The following FNDC5 variants were observed in gnomAD, a reference collection of about 807,000 sequenced individuals.
FNDC5 encodes fibronectin type III domain containing 5.
Under a neutral mutation model 24.6 loss-of-function variants are expected in FNDC5, and 10 were observed. The observed-to-expected ratio is 0.41, with a 90% CI of 0.25 to 0.69. FNDC5 has a LOEUF of 0.69. Among genes scored for constraint, FNDC5 ranks in the 30% least tolerant of loss-of-function variants. The pLI, the probability that FNDC5 is intolerant of heterozygous loss-of-function variation, is 0.34. For synonymous variants in FNDC5, 90 were observed against 110.7 expected (o/e 0.81, Z 1.18); for missense variants, 226 against 282.9 (o/e 0.80, Z 1.44).
intron 5 of FNDC5, 181 bp from the exon 6 acceptor site, chr1:32,864,480 C>T: frequency 6.8e-7 from 1 of 1,478,752 alleles, no homozygotes; most frequent in South Asian, 1.4e-5. Context: ...TGGCCCCTGG[C>T]ACCCTGCAAA....
intron 4 of FNDC5, among the ~76,000 whole-genome samples, chr1:32,867,201 A>T (rs941864720): frequency 3.9e-5 from 6 of 152,174 alleles, no homozygotes; most frequent in Non-Finnish European, 8.8e-5. Flanking sequence ...GGCTAAAGAG[A>T]GGGTTAAAGA....
chr1:32,867,934 AG>A (rs773946790), intron 3 of FNDC5, 92 bp from the exon 4 acceptor site: 5 of 1,278,996 alleles, frequency 3.9e-6, no homozygotes, highest in Non-Finnish European at 5.6e-6. Flanking sequence ...TGATTTCTAC[AG>A]GTGCCCACAC....
At chr1:32,869,062 ATAAG>A (rs1641128677) in intron 1 of FNDC5, 65 bp from the exon 2 acceptor site, 8 of 964,722 alleles carry the variant, frequency 8.3e-6, no homozygotes, top group Non-Finnish European at 1.1e-5. Flanking sequence ...CCACTGTCTC[ATAAG>A]TAAGAAGGGG....
Position 32,863,578 on chromosome 1 carries a change from G to A in FNDC5, c.*716C>T. The stretch of plus-strand genomic sequence containing the variant: ...TTATTTTTTTGCAGAATTTGGGTTT[G>A]TAGTGCAGCCTCCTTCATCTGACTA... On this transcript the variant is annotated 3_prime_UTR_variant, in exon 6 of 6. Transcript: ENST00000373471. 1 of 675,950 alleles carries A rather than the reference G, an allele frequency of 1.5e-6. No individual in the cohort carries two copies. Among genetic ancestry groups the A allele is most frequent in the Non-Finnish European group, 2.2e-6 (1 of 451,264 alleles). 41.9% of individuals were successfully genotyped at this position (675,950 alleles called of 1,614,324 possible). A position where few individuals can be genotyped will look rare whatever the true frequency, so the allele number is the denominator to read the frequency against.
At chr1:32,865,277 T>C (rs549168560) in intron 4 of FNDC5, among the ~76,000 whole-genome samples, 45 of 151,888 alleles carry the variant, frequency 3.0e-4, no homozygotes, top group Non-Finnish European at 5.4e-4. Context: ...TTTTGTATTT[T>C]TAGTAGAGAC....
rs1446101647 is a variant in FNDC5, at chr1:32,870,822, G to A, written c.-76C>T. 3.8e-6 allele frequency: 2 copies of A among 522,856 alleles called. No individual in the cohort carries two copies. The highest frequency in any genetic ancestry group is 2.1e-5 in the African/African-American group (1 of 46,808). The allele number at this position is 522,856 out of a possible 1,614,324, so 32.4% of individuals were successfully genotyped here. On this transcript the variant is annotated 5_prime_UTR_variant, in exon 1 of 6. Transcript: ENST00000373471. ...CGGCGCCCGGCGGCCGCTCGCGCTC[G>A]CGCTCCGGCCCCCGGCCCGGCCGGC...
Position 32,863,687 on chromosome 1 carries a change from TG to T in FNDC5, c.*606del. ...GTCCCTCTCCCTGTGCCCGTGGGCC[TG>T]GGGACCAGCTGAGAAGAAAAATGGA... On this transcript the variant is annotated 3_prime_UTR_variant, in exon 6 of 6. Transcript: ENST00000373471. 3.1e-6 allele frequency: 4 copies of T among 1,303,732 alleles called. No individual in the cohort carries two copies. The highest frequency in any genetic ancestry group is 4.0e-6 in the Non-Finnish European group (4 of 988,420). The allele number at this position is 1,303,732 out of a possible 1,614,324, so 80.8% of individuals were successfully genotyped here.
At chr1:32,870,606 G>C (rs114806617) in intron 1 of FNDC5, 47 bp downstream of exon 1, 12,554 of 1,129,480 alleles carry the variant, frequency 0.011, 241 homozygotes, top group African/African-American at 0.078. Flanking sequence ...AGCTGGGCTC[G>C]AGAGGAGCCT....
In FNDC5 at chr1:32,863,823, G is replaced by T. The variant is rs1302926840; in HGVS notation, c.*471C>A. ...AAGCAGCCAGGCCTAATTGTGAATA[G>T]CCTTCTTGCAAGGCTGGAAACAGGA... On this transcript the variant is annotated 3_prime_UTR_variant, in exon 6 of 6. Coordinates refer to ENST00000373471, the MANE Select transcript of FNDC5 (RefSeq NM_153756.3). 3.8e-6 allele frequency: 5 copies of T among 1,305,284 alleles called. No homozygotes were observed. Among genetic ancestry groups the T allele is most frequent in the Middle Eastern group, 2.1e-4 (1 of 4,722 alleles). The allele number at this position is 1,305,284 out of a possible 1,614,324, so 80.9% of individuals were successfully genotyped here.
At chr1:32,869,049 G>T in intron 1 of FNDC5, 52 bp from the exon 2 acceptor site, 1 of 1,048,718 alleles carries the variant, frequency 9.5e-7, no homozygotes, top group South Asian at 4.8e-5. Context: ...GTGAGGCCCA[G>T]ACCCACTGTC....
At chr1:32,867,449 C>T (rs1340116635) in intron 4 of FNDC5, among the ~76,000 whole-genome samples, 4 of 152,118 alleles carry the variant, frequency 2.6e-5, no homozygotes, top group African/African-American at 9.7e-5. Context: ...GTGGCCATGA[C>T]CAGAGGTAAA....
Position 32,868,470 on chromosome 1 carries a change from T to A in FNDC5, c.211-82A>T. On this transcript the variant is annotated intron_variant, in intron 2 of 5. Coordinates refer to ENST00000373471, the MANE Select transcript of FNDC5 (RefSeq NM_153756.3). The surrounding 1 kb of genome is among the most constrained non-coding windows in gnomAD (Gnocchi z 4.8). ...CCACCTCCCAGTGGTGACAAAGCCT[T>A]TACATACACAATCTTCATCATTCCA... is the stretch of plus-strand genomic sequence containing the variant. 1 of 1,391,262 alleles carries A rather than the reference T, an allele frequency of 7.2e-7. No homozygotes were observed. Among genetic ancestry groups the A allele is most frequent in the Non-Finnish European group, 9.8e-7 (1 of 1,016,998 alleles). 86.2% of individuals were successfully genotyped at this position (1,391,262 alleles called of 1,614,324 possible).
Sources: allele counts gnomAD v4.1 joint callset (sites outside exome capture counted in the v4.1 genomes callset), GRCh38; gene constraint gnomAD v4.1.1; non-coding constraint Gnocchi (gnomAD v3.1); transcripts MANE v1.5; gene names NCBI Gene and HGNC (gene_info 2026-07-23, HGNC 2026-07-21).